Variants in IGSF5 observed in about 807,000 individuals in gnomAD.
IGSF5 encodes immunoglobulin superfamily 5 like.
Under a neutral mutation model 39.4 loss-of-function variants are expected in IGSF5, and 41 were observed. The observed-to-expected ratio is 1.04, with a 90% confidence interval of 0.81 to 1.35. IGSF5 has a LOEUF of 1.35. Ranked by LOEUF, IGSF5 falls within the 40% of genes most tolerant of loss-of-function variation. IGSF5 has a pLI of 0.00. For missense variants in IGSF5, 487 were observed against 494.6 expected, an observed-to-expected ratio of 0.98 and a Z score of 0.15; for synonymous variants, 183 against 175.3, an observed-to-expected ratio of 1.04 and a Z score of -0.34.
the IGSF5 span, among the ~76,000 whole-genome samples, chr21:39,719,005 T>C: frequency 6.6e-6 from 1 of 152,172 alleles, no homozygotes; most frequent in Non-Finnish European, 1.5e-5. Flanking sequence ...GCAGGCTATT[T>C]ATTACTGATT....
chr21:39,743,670 C>T (rs543270009), upstream of IGSF5, among the ~76,000 whole-genome samples: 2 of 152,138 alleles, frequency 1.3e-5, no homozygotes, highest in African/African-American at 4.8e-5. Context: ...CTGAGGGCTT[C>T]CTGTAGGGCA....
At chr21:39,749,560 C>T (rs2079994627) in intron 2 of IGSF5, among the ~76,000 whole-genome samples, 1 of 152,202 alleles carries the variant, frequency 6.6e-6, no homozygotes, top group Non-Finnish European at 1.5e-5. Context: ...TAAGGACGCA[C>T]CTATGACACA....
chr21:39,789,902 G>A (rs548130135), intron 6 of IGSF5, among the ~76,000 whole-genome samples: 1 of 152,210 alleles, frequency 6.6e-6, no homozygotes, highest in African/African-American at 2.4e-5. Flanking sequence ...ACAAATACTT[G>A]CCCACAGCAT....
chr21:39,793,430 G>A (rs372701682), intron 7 of IGSF5, 104 bp from the exon 8 acceptor site: 19 of 788,594 alleles, frequency 2.4e-5, no homozygotes, highest in South Asian at 6.5e-5. Flanking sequence ...TTATGCCAGC[G>A]GTACTACATA....
chr21:39,779,650 C>T (rs184930523), intron 5 of IGSF5, among the ~76,000 whole-genome samples: 44 of 152,174 alleles, frequency 2.9e-4, no homozygotes, highest in African/African-American at 1.0e-3. Flanking sequence ...TGGAATCAAC[C>T]TATGTACATC....
At chr21:39,798,301 C>T (rs1396045287) in intron 8 of IGSF5, among the ~76,000 whole-genome samples, 2 of 152,216 alleles carry the variant, frequency 1.3e-5, no homozygotes, top group Non-Finnish European at 2.9e-5. Flanking sequence ...ACGATGGGTA[C>T]TCAGCAATTC....
chr21:39,790,340 A>G (rs2086956444), intron 6 of IGSF5, among the ~76,000 whole-genome samples: 1 of 152,158 alleles, frequency 6.6e-6, no homozygotes, highest in African/African-American at 2.4e-5. Context: ...GTGTTTGAAT[A>G]GTTTTCAGGT....
chr21:39,720,465 C>T, the IGSF5 span, among the ~76,000 whole-genome samples: 4 of 152,192 alleles, frequency 2.6e-5, no homozygotes, highest in Non-Finnish European at 4.4e-5. Context: ...TACCCAATTT[C>T]CCCCATAATT....
chr21:39,754,045 T>C (rs1170939666), intron 2 of IGSF5, among the ~76,000 whole-genome samples: 1 of 152,216 alleles, frequency 6.6e-6, no homozygotes, highest in Non-Finnish European at 1.5e-5. Context: ...AGTTGTTACC[T>C]AGATACTTCT....
At chr21:39,734,293 C>T in the IGSF5 span, among the ~76,000 whole-genome samples, 12 of 151,816 alleles carry the variant, frequency 7.9e-5, no homozygotes, top group South Asian at 2.3e-3. Flanking sequence ...CATTGTGGCA[C>T]GTACCTGTAG....
At chr21:39,748,004 A>G (rs1336555644) in intron 2 of IGSF5, among the ~76,000 whole-genome samples, 3 of 151,576 alleles carry the variant, frequency 2.0e-5, no homozygotes, top group Non-Finnish European at 4.4e-5. Context: ...GAAGGATTAA[A>G]TGTTCATAAT....
the IGSF5 span, chr21:39,730,591 C>G: frequency 6.6e-6 from 1 of 152,126 alleles, no homozygotes; most frequent in Non-Finnish European, 1.5e-5. Context: ...GTTTCTTGAG[C>G]AACGACCAGC....
intron 2 of IGSF5, among the ~76,000 whole-genome samples, chr21:39,758,948 A>G (rs141550857): frequency 6.6e-6 from 1 of 152,342 alleles, no homozygotes; most frequent in African/African-American, 2.4e-5. Flanking sequence ...ACTTTTCACA[A>G]AGTGAGCACA....
chr21:39,764,352 A>AT (rs2080075529), intron 2 of IGSF5, among the ~76,000 whole-genome samples: 1 of 151,924 alleles, frequency 6.6e-6, no homozygotes, highest in Non-Finnish European at 1.5e-5. Context: ...CTGCCTTGCC[A>AT]TTTTTTTAGA....
At chr21:39,738,601 G>C in the IGSF5 span, among the ~76,000 whole-genome samples, 1 of 152,152 alleles carries the variant, frequency 6.6e-6, no homozygotes. This position sits in a 1 kb window ranked among gnomAD's most constrained non-coding sequence, Gnocchi z 6.4. Context: ...CAAGTGGTTC[G>C]ATTTGGGAGC....
At chr21:39,731,564 G>A in the IGSF5 span, among the ~76,000 whole-genome samples, 4 of 152,224 alleles carry the variant, frequency 2.6e-5, no homozygotes, top group African/African-American at 9.6e-5. Context: ...AAACAAGGAA[G>A]TCTGAGATTT....
Position 39,745,520 on chromosome 21 carries a change from A to G in IGSF5, c.11A>G (p.Lys4Arg), listed in dbSNP as rs374624767. The G allele has an allele frequency of 5.6e-6, 4 of 716,978 alleles. No individual in the cohort carries two copies. Among genetic ancestry groups the G allele is most frequent in the African/African-American group, 5.2e-5 (3 of 57,232 alleles). 44.4% of individuals were successfully genotyped at this position (716,978 alleles called of 1,614,324 possible). A position where few individuals can be genotyped will look rare whatever the true frequency, so the allele number is the denominator to read the frequency against. MGQ[K>R]ERSTADTLPD... ...CGGGACCCAGGAGGTATGGGTCAGA[A>G]GGAAAGGTAAGGGCGCATGCGTGGG... Residue 4 changes from lysine to arginine, a missense_variant, in exon 1 of 9, where the codon AAG (lysine) becomes AGG (arginine). Physicochemically the swap from Lys to Arg is conservative, Grantham distance 26. Transcript: ENST00000380588.
In IGSF5 at chr21:39,790,241, C is replaced by T. The variant is rs577755693; in HGVS notation, c.957-1767C>T. 3.4e-4 allele frequency among the ~76,000 whole-genome samples: 52 copies of T among 152,262 alleles called. 1 individual carries two copies. The highest frequency in any genetic ancestry group is 2.5e-3 in the South Asian group (12 of 4,812). ...CTCTCACTGTGAGACTGATCCATAC[C>T]GTGGCACGTGAGTGTCAGTGGCTCA... is the stretch of plus-strand genomic sequence containing the variant. On this transcript the variant is annotated intron_variant, in intron 6 of 8. Coordinates refer to ENST00000380588, the MANE Select transcript of IGSF5 (RefSeq NM_001080444.2).
At chr21:39,750,829 T>C (rs2080002312) in intron 2 of IGSF5, among the ~76,000 whole-genome samples, 2 of 152,246 alleles carry the variant, frequency 1.3e-5, no homozygotes, top group African/African-American at 4.8e-5. Context: ...GGGCCTTTGC[T>C]GGAGGCAAGG....
Sources: allele counts gnomAD v4.1 joint callset (sites outside exome capture counted in the v4.1 genomes callset), GRCh38; gene constraint gnomAD v4.1.1; non-coding constraint Gnocchi (gnomAD v3.1); transcripts MANE v1.5; gene names NCBI Gene and HGNC (gene_info 2026-07-23, HGNC 2026-07-21).